The following NAV1 variants were observed in gnomAD, a reference collection of about 807,000 sequenced individuals.
NAV1 encodes pore membrane and/or filament interacting like protein 3.
NAV1 carries 18 observed loss-of-function variants against 175.2 expected under a neutral mutation model. The ratio of observed to expected loss-of-function variants is 0.10; its 90% CI spans 0.07 to 0.15. The LOEUF is 0.15. NAV1 is among the 10% of genes least tolerant of loss of function. NAV1 has a pLI of 1.00. For synonymous variants in NAV1, 897 were observed against 978.7 expected, an observed-to-expected ratio of 0.92 and a Z score of 1.56; for missense variants, 1,731 against 2,436.6, an observed-to-expected ratio of 0.71 and a Z score of 6.10.
chr1:201,805,803 G>A (rs547593498), intron 17 of NAV1, among the ~76,000 whole-genome samples: 1 of 151,904 alleles, frequency 6.6e-6, no homozygotes, highest in Non-Finnish European at 1.5e-5. Flanking sequence ...CGTGCCTGTG[G>A]TCCCAGCTAC....
chr1:201,794,113 T>C (rs776222068), intron 14 of NAV1: 11 of 684,652 alleles, frequency 1.6e-5, no homozygotes, highest in Non-Finnish European at 2.7e-5. Flanking sequence ...GCCTGACACA[T>C]CATAAGGGCT....
chr1:201,549,145 TCTTTCTCTCTCTC>T (rs1665769294), intron 1 of NAV1, among the ~76,000 whole-genome samples: 1 of 145,740 alleles, frequency 6.9e-6, no homozygotes, highest in African/African-American at 2.5e-5. Context: ...CTTTCTTTCT[TCTTTCTCTCTCTC>T]TCTTTCTTTC....
chr1:201,764,800 A>G (rs1675092394), intron 3 of NAV1, among the ~76,000 whole-genome samples: 1 of 152,264 alleles, frequency 6.6e-6, no homozygotes, highest in Non-Finnish European at 1.5e-5. Flanking sequence ...AAGATTGCAC[A>G]TGCATAGAAT....
upstream of NAV1, among the ~76,000 whole-genome samples, chr1:201,619,200 G>T (rs796886631): frequency 6.6e-6 from 1 of 152,246 alleles, no homozygotes; most frequent in East Asian, 1.9e-4. Flanking sequence ...CAGCAACTGC[G>T]TCTGCTCCAT....
At position 201,650,848 on chromosome 1, in the gene NAV1, C is replaced by T. The variant is rs532548403; in HGVS notation, c.757+1423C>T. 5.9e-5 allele frequency among the ~76,000 whole-genome samples: 9 copies of T among 152,272 alleles called. No individual in the cohort carries two copies. The East Asian group carries it at 1.7e-3, about 29-fold the overall frequency. ...GAGCAGCCTTTTCCCCTGGGAGCCC[C>T]TCCTGAAGGTGGGGATGGCTGGGTG... On this transcript the variant is annotated intron_variant, in intron 1 of 29. Transcript: ENST00000367296.
At chr1:201,714,872 C>CA (rs2102476332) in intron 2 of NAV1, among the ~76,000 whole-genome samples, 1 of 152,340 alleles carries the variant, frequency 6.6e-6, no homozygotes, top group African/African-American at 2.4e-5. Flanking sequence ...AGCCAGCCCC[C>CA]AGTCCCTCCG....
chr1:201,685,034 T>A (rs988553265), intron 1 of NAV1, among the ~76,000 whole-genome samples: 12 of 147,544 alleles, frequency 8.1e-5, no homozygotes, highest in African/African-American at 2.8e-4. Flanking sequence ...CCCAACTGTT[T>A]GGGGAGGCCA....
At chr1:201,721,031 T>C (rs1450524396) in intron 3 of NAV1, among the ~76,000 whole-genome samples, 1 of 152,098 alleles carries the variant, frequency 6.6e-6, no homozygotes, top group South Asian at 2.1e-4. Flanking sequence ...TGCTTTATCC[T>C]CCTTCCTCTG....
intron 2 of NAV1, among the ~76,000 whole-genome samples, chr1:201,604,845 C>G (rs1197207507): frequency 6.6e-6 from 1 of 152,098 alleles, no homozygotes; most frequent in Admixed American, 6.6e-5. Flanking sequence ...TTGACTGGGT[C>G]ACCCATCGAG....
chr1:201,657,862 T>C (rs1669464708), intron 1 of NAV1, among the ~76,000 whole-genome samples: 2 of 152,066 alleles, frequency 1.3e-5, no homozygotes, highest in African/African-American at 4.8e-5. Context: ...CAAAACCCTG[T>C]CTCTACTAAA....
chr1:201,622,721 G>T (rs936029283), upstream of NAV1, among the ~76,000 whole-genome samples: 1 of 152,130 alleles, frequency 6.6e-6, no homozygotes, highest in Non-Finnish European at 1.5e-5. Flanking sequence ...GTCACAATGC[G>T]AACCAGGAGT....
At chr1:201,714,302 T>C (rs549003012) in intron 2 of NAV1, among the ~76,000 whole-genome samples, 2 of 152,356 alleles carry the variant, frequency 1.3e-5, no homozygotes, top group Non-Finnish European at 2.9e-5. Context: ...TTTCAGCCGT[T>C]GGCTGTAGTT....
rs1266760700 is a variant in NAV1, at chr1:201,718,212, CG to C, written c.861-177del. Among the ~76,000 whole-genome samples the C allele has an allele frequency of 6.6e-6, 1 of 152,184 alleles. No individual in the cohort carries two copies. The highest frequency in any genetic ancestry group is 1.5e-5 in the Non-Finnish European group (1 of 68,038). ...ATCATTTCCTTTGTCAAACAGATAA[CG>C]TATCACAAAGGTAACACACAACCAG... On this transcript the variant is annotated intron_variant, in intron 2 of 29. Transcript: ENST00000367296. The surrounding 1 kb of genome is among the most constrained non-coding windows in gnomAD (Gnocchi z 4.8).
rs1184118304 is a variant in NAV1 at position 201,734,499 on chromosome 1, G to GAGGAGAAGAAGAAGA, written c.1226+15746_1226+15747insGAGAAGAAGAAGAAG. Reference sequence around the variant, plus strand: ...GAGGAGGAGGAGGAAGAAGGAGAAGGAGAAGAAGAAGAAGAAGAAGAAGAA... The same window carrying GAGGAGAAGAAGAAGA: ...GAGGAGGAGGAGGAAGAAGGAGAAGGAGGAGAAGAAGAAGAAGAAGAAGAAGAAGAAGAAGAAGAA... On this transcript the variant is annotated intron_variant, in intron 3 of 29. Coordinates refer to ENST00000367296, the Ensembl canonical transcript of NAV1. Among the ~76,000 whole-genome samples, 181 of 121,150 alleles carry GAGGAGAAGAAGAAGA rather than the reference G, an allele frequency of 1.5e-3. 3 individuals are homozygous for GAGGAGAAGAAGAAGA. Among genetic ancestry groups the GAGGAGAAGAAGAAGA allele is most frequent in the African/African-American group, 4.7e-3 (164 of 34,586 alleles). 79.5% of individuals were successfully genotyped at this position (121,150 alleles called of 152,430 possible). A position where few individuals can be genotyped will look rare whatever the true frequency, so the allele number is the denominator to read the frequency against.
At chr1:201,780,671 C>T (rs1173538541) in intron 4 of NAV1, 112 bp downstream of exon 8, 20 of 1,423,494 alleles carry the variant, frequency 1.4e-5, no homozygotes, top group Admixed American at 1.9e-5. Context: ...GATTGGTTCT[C>T]ATAGGCCTTT....
rs567199768 is a variant in NAV1 at position 201,740,525 on chromosome 1, C to T, written c.1226+21770C>T. On this transcript the variant is annotated intron_variant, in intron 3 of 29. Coordinates refer to ENST00000367296, the Ensembl canonical transcript of NAV1. The surrounding 1 kb of genome is among the most constrained non-coding windows in gnomAD (Gnocchi z 4.7). Reference sequence around the variant, plus strand: ...GAGGGGCTTGCAGCCCCAGGTCGGCCCTGCCAAGGTCACCCTAGTTCCGGA... The same window carrying T: ...GAGGGGCTTGCAGCCCCAGGTCGGCTCTGCCAAGGTCACCCTAGTTCCGGA... Among the ~76,000 whole-genome samples, 3 of 152,236 alleles carry T rather than the reference C, an allele frequency of 2.0e-5. No homozygotes were observed. In the East Asian group the frequency reaches 5.8e-4, roughly 29 times the overall value.
At chr1:201,733,709 A>C (rs986209454) in intron 3 of NAV1, among the ~76,000 whole-genome samples, 35 of 152,072 alleles carry the variant, frequency 2.3e-4, no homozygotes, top group African/African-American at 8.5e-4. Flanking sequence ...CTGGGGAGAG[A>C]GCTGTCCAGG....
chr1:201,561,204 G>A (rs1424207939), intron 1 of NAV1, among the ~76,000 whole-genome samples: 1 of 152,232 alleles, frequency 6.6e-6, no homozygotes, highest in Non-Finnish European at 1.5e-5. Context: ...AGAGTCGGCA[G>A]TCCCTCTTGC....
At chr1:201,683,263 GA>G (rs1361671995) in intron 1 of NAV1, among the ~76,000 whole-genome samples, 1 of 152,184 alleles carries the variant, frequency 6.6e-6, no homozygotes, top group Non-Finnish European at 1.5e-5. Context: ...GTGTTTGGGG[GA>G]TGAAGACCAC....
Sources: gnomAD v4.1 joint callset for allele counts (sites outside exome capture counted in the v4.1 genomes callset) on GRCh38, gnomAD v4.1.1 for gene constraint, Gnocchi (gnomAD v3.1) non-coding constraint, MANE v1.5 for transcripts, NCBI Gene and HGNC (gene_info 2026-07-23, HGNC 2026-07-21) for gene names.